The following QTRT2 variants were observed in gnomAD, a reference collection of about 807,000 sequenced individuals.
QTRT2 encodes the protein queuine tRNA-ribosyltransferase accessory subunit 2.
A neutral mutation model predicts 44.8 loss-of-function variants in QTRT2; 32 were observed. The ratio of observed to expected loss-of-function variants is 0.71; its 90% CI spans 0.54 to 0.96. The LOEUF is 0.96. Ranked by LOEUF, QTRT2 falls within the 40% of genes least tolerant of loss-of-function variation. The probability of loss-of-function intolerance (pLI) is 0.00; values close to 1 mark genes in which losing one functional copy is unlikely to be tolerated. For missense variants in QTRT2, 461 were observed against 503.1 expected (o/e 0.92, Z 0.80); for synonymous variants, 182 against 187.4 (o/e 0.97, Z 0.24).
At chr3:114,080,950 T>C (rs2077158472) in intron 8 of QTRT2, among the ~76,000 whole-genome samples, 1 of 152,214 alleles carries the variant, frequency 6.6e-6, no homozygotes. Flanking sequence ...CTTAAATATA[T>C]AGGAGGTCAA....
intron 8 of QTRT2, among the ~76,000 whole-genome samples, chr3:114,081,093 G>A (rs1205991300): frequency 6.6e-6 from 1 of 152,116 alleles, no homozygotes; most frequent in East Asian, 1.9e-4. Context: ...TAGTCATTCA[G>A]TACCAGGAAT....
chr3:114,080,208 G>A, intron 8 of QTRT2, 151 bp downstream of exon 8: 1 of 601,298 alleles, frequency 1.7e-6, no homozygotes, highest in South Asian at 2.1e-5. Context: ...CTGGCATGTT[G>A]GCACACAAAT....
Position 114,066,244 on chromosome 3 carries a change from G to T in QTRT2, c.217G>T (p.Val73Phe), listed in dbSNP as rs750966289. Residue 73 changes from valine (V) to phenylalanine (F), a missense_variant, in exon 4 of 10, where the codon GTC becomes TTC. Coordinates refer to ENST00000281273, the MANE Select transcript of QTRT2 (RefSeq NM_024638.4). ...TGCTTACAGAGCAGAACATCATGAAGTCTTGACAGAATATAAAGAAGGAGT... is the reference window on the plus strand; with the variant it reads ...TGCTTACAGAGCAGAACATCATGAATTCTTGACAGAATATAAAGAAGGAGT... The part of the protein sequence containing the change: ...TLSSLAEHHE[V>F]LTEYKEGVGK... 3.1e-6 allele frequency: 5 copies of T among 1,605,668 alleles called. No individual in the cohort carries two copies. The Admixed American group carries it at 5.0e-5, about 16-fold the overall frequency.
chr3:114,072,002 G>T lies in QTRT2; in HGVS notation c.546+1164G>T, dbSNP rs187479308. Reference sequence around the variant, plus strand: ...ACTTGCACTCTGACCTTTCTGAGTTGCTTGGAATTCCTTGAGGCATTAGCT... The same window carrying T: ...ACTTGCACTCTGACCTTTCTGAGTTTCTTGGAATTCCTTGAGGCATTAGCT... On this transcript the variant is annotated intron_variant, in intron 6 of 9. Transcript: ENST00000281273. 1.4e-4 allele frequency among the ~76,000 whole-genome samples: 22 copies of T among 152,280 alleles called. No homozygotes were observed. In the East Asian group the frequency reaches 3.7e-3, roughly 25 times the overall value.
At chr3:114,070,892 A>G (rs1466823362) in intron 6 of QTRT2, 54 bp downstream of exon 6, 29 of 1,387,296 alleles carry the variant, frequency 2.1e-5, no homozygotes, top group Non-Finnish European at 2.9e-5. Flanking sequence ...CCTCCCTTAC[A>G]TTCTGTGATA....
At chr3:114,082,204 CCACACA>C (rs71146306) in intron 8 of QTRT2, among the ~76,000 whole-genome samples, 25,099 of 138,576 alleles carry the variant, frequency 0.18, 2,304 homozygotes, top group Non-Finnish European at 0.22. Context: ...GATAACCCCA[CCACACA>C]CACACACACA....
chr3:114,066,082 G>T, intron 3 of QTRT2, 146 bp from the exon 4 acceptor site: 1 of 571,492 alleles, frequency 1.7e-6, no homozygotes, highest in African/African-American at 1.9e-5. Context: ...AGCCTAATTA[G>T]TTAGAACTCT....
At chr3:114,079,554 A>G (rs2077137849) in intron 7 of QTRT2, 1 of 176,026 alleles carries the variant, frequency 5.7e-6, no homozygotes, top group Non-Finnish European at 1.2e-5. Context: ...AAAAAAAGAA[A>G]CTATGTGCTT....
intron 7 of QTRT2, chr3:114,078,459 A>G (rs1420542957): frequency 7.1e-6 from 1 of 141,750 alleles, no homozygotes. Flanking sequence ...TTTTTTTTGC[A>G]TTTCTGTGCC....
At chr3:114,060,503 GATA>G (rs766515557) in intron 2 of QTRT2, among the ~76,000 whole-genome samples, 2 of 72,494 alleles carry the variant, frequency 2.8e-5, no homozygotes, top group Admixed American at 3.5e-4. Context: ...TAGGTAGATA[GATA>G]GATAGATAGA....
chr3:114,082,052 T>C (rs2077171821), intron 8 of QTRT2, among the ~76,000 whole-genome samples: 1 of 152,212 alleles, frequency 6.6e-6, no homozygotes, highest in South Asian at 2.1e-4. Flanking sequence ...TGCCATTTAA[T>C]TCTGTGTAGT....
intron 6 of QTRT2, among the ~76,000 whole-genome samples, chr3:114,071,889 C>T (rs1553758890): frequency 6.6e-6 from 1 of 152,164 alleles, no homozygotes; most frequent in Non-Finnish European, 1.5e-5. Context: ...AATGACTCTC[C>T]ACTTCAACTC....
intron 7 of QTRT2, 86 bp downstream of exon 7, chr3:114,077,028 A>G (rs2077100965): frequency 5.6e-6 from 7 of 1,259,516 alleles, no homozygotes; most frequent in East Asian, 2.4e-5. Context: ...GTGTCTGTGC[A>G]TAGGCATGCC....
At position 114,085,984 on chromosome 3, in the gene QTRT2, A is replaced by G. The variant is rs1365400512; in HGVS notation, c.*80A>G. On this transcript the variant is annotated 3_prime_UTR_variant, in exon 10 of 10. Coordinates refer to ENST00000281273, the MANE Select transcript of QTRT2 (RefSeq NM_024638.4). ...CATGGGAAGACGTGAAGAAGAAATA[A>G]TCTGAGCTTTAATTATTTATATTTG... 1.8e-6 allele frequency: 2 copies of G among 1,098,544 alleles called. No individual in the cohort carries two copies. Among genetic ancestry groups the G allele is most frequent in the Non-Finnish European group, 1.4e-6 (1 of 721,110 alleles). The allele number at this position is 1,098,544 out of a possible 1,614,324, so 68.0% of individuals were successfully genotyped here. A position where few individuals can be genotyped will look rare whatever the true frequency, so the allele number is the denominator to read the frequency against.
rs1416542732 is a variant in QTRT2, at chr3:114,080,033, T to A, written c.874T>A (p.Tyr292Asn). Residue 292 changes from tyrosine (Y) to asparagine (N), a missense_variant, in exon 8 of 10, where the codon TAC (tyrosine) becomes AAC (asparagine). Tyr to Asn is a moderately radical substitution (Grantham distance 143). Transcript: ENST00000281273. ...ATGTGCCCTGACTTTCAGTTTTGAT[T>A]ACCAGCCGAATCCTGAAGAGACACG... is the stretch of plus-strand genomic sequence containing the variant. ...RGCALTFSFD[Y>N]QPNPEETLLQ... 1 of 1,611,102 alleles carries A rather than the reference T, an allele frequency of 6.2e-7. No homozygotes were observed. Among genetic ancestry groups the A allele is most frequent in the Admixed American group, 1.7e-5 (1 of 59,514 alleles).
intron 7 of QTRT2, 114 bp from the exon 8 acceptor site, chr3:114,079,792 T>C: frequency 1.0e-6 from 1 of 971,576 alleles, no homozygotes; most frequent in Non-Finnish European, 1.6e-6. Context: ...ACTCTAACCA[T>C]GATTGGTGTT....
chr3:114,071,222 A>G (rs990910770), intron 6 of QTRT2, among the ~76,000 whole-genome samples: 3 of 152,092 alleles, frequency 2.0e-5, no homozygotes, highest in East Asian at 1.9e-4. Flanking sequence ...TTTTATCTCC[A>G]CAAACCTGTT....
intron 2 of QTRT2, among the ~76,000 whole-genome samples, chr3:114,064,374 T>A (rs1234082321): frequency 1.3e-5 from 2 of 152,192 alleles, no homozygotes; most frequent in African/African-American, 4.8e-5. Context: ...TGTTGGTATG[T>A]CTGGTGACAT....
rs2107811654 is a variant in QTRT2, at chr3:114,087,334, A to T, written c.*1430A>T. Reference sequence around the variant, plus strand: ...GCCCATTGTATTAGGCCGTTCTTGGATTGCTATAAAGAAATACCTGAGACT... The same window carrying T: ...GCCCATTGTATTAGGCCGTTCTTGGTTTGCTATAAAGAAATACCTGAGACT... On this transcript the variant is annotated 3_prime_UTR_variant, in exon 10 of 10. Transcript: ENST00000281273. 6.6e-6 allele frequency: 1 copy of T among 152,114 alleles called. No individual in the cohort carries two copies. Among genetic ancestry groups the T allele is most frequent in the East Asian group, 1.9e-4 (1 of 5,176 alleles). The allele number at this position is 152,114 out of a possible 1,614,324, so 9.4% of individuals were successfully genotyped here. A position where few individuals can be genotyped will look rare whatever the true frequency, so the allele number is the denominator to read the frequency against.
Sources: gnomAD v4.1 joint callset for allele counts (sites outside exome capture counted in the v4.1 genomes callset) on GRCh38, gnomAD v4.1.1 for gene constraint, MANE v1.5 for transcripts, NCBI Gene and HGNC (gene_info 2026-07-23, HGNC 2026-07-21) for gene names.